Variants in AOAH observed in about 807,000 individuals in gnomAD.
The protein encoded by AOAH is acyloxyacyl hydrolase, also known as acyloxyacyl hydrolase (neutrophil).
In AOAH, 64 loss-of-function variants were observed where a neutral mutation model predicts 92.2. The observed-to-expected ratio is 0.69, with a 90% CI of 0.57 to 0.86. The LOEUF is 0.86. Among genes scored for constraint, AOAH ranks in the 40% least tolerant of loss-of-function variants. AOAH has a pLI of 0.00. For synonymous variants in AOAH, 263 were observed against 254.5 expected, an observed-to-expected ratio of 1.03 and a Z score of -0.32; for missense variants, 656 against 694.6, an observed-to-expected ratio of 0.94 and a Z score of 0.62.
intron 2 of AOAH, among the ~76,000 whole-genome samples, chr7:36,682,102 A>G (rs978897850): frequency 1.3e-5 from 2 of 152,222 alleles, no homozygotes; most frequent in Non-Finnish European, 2.9e-5. Context: ...GTTTTGCCCA[A>G]TCAATAGCTG....
chr7:36,552,410 G>A (rs1339363557), intron 13 of AOAH, among the ~76,000 whole-genome samples: 4 of 152,074 alleles, frequency 2.6e-5, no homozygotes, highest in African/African-American at 9.7e-5. Flanking sequence ...ATCATCAATG[G>A]GTATTTGGGT....
chr7:36,657,233 C>T (rs774582786), intron 4 of AOAH, among the ~76,000 whole-genome samples: 1 of 152,172 alleles, frequency 6.6e-6, no homozygotes, highest in Admixed American at 6.5e-5. Context: ...ATTGACACCA[C>T]GTTAGAGCTC....
chr7:36,545,109 T>C (rs1042795416), intron 15 of AOAH, among the ~76,000 whole-genome samples: 1 of 151,622 alleles, frequency 6.6e-6, no homozygotes, highest in African/African-American at 2.4e-5. Context: ...TGGAGGGCAG[T>C]GGTATGATCA....
chr7:36,531,189 G>T (rs1385038026), intron 18 of AOAH, among the ~76,000 whole-genome samples: 1 of 152,186 alleles, frequency 6.6e-6, no homozygotes, highest in East Asian at 1.9e-4. Context: ...TTGATCTCTA[G>T]AAGTGGTAAT....
At chr7:36,632,348 C>G (rs1354635786) in intron 5 of AOAH, among the ~76,000 whole-genome samples, 1 of 152,198 alleles carries the variant, frequency 6.6e-6, no homozygotes, top group Non-Finnish European at 1.5e-5. Context: ...CCAGCCAGCT[C>G]TTCCCAGCTT....
At chr7:36,692,116 T>C (rs1797437735) in intron 1 of AOAH, among the ~76,000 whole-genome samples, 1 of 152,172 alleles carries the variant, frequency 6.6e-6, no homozygotes, top group Admixed American at 6.5e-5. Context: ...TGTGGGGTGG[T>C]TTGTAATACA....
intron 9 of AOAH, among the ~76,000 whole-genome samples, chr7:36,619,005 T>A (rs72630160): frequency 0.023 from 3,577 of 152,240 alleles, 135 homozygotes; most frequent in East Asian, 0.12. Flanking sequence ...AGCTGGGACA[T>A]CCTAAAACCT....
chr7:36,667,719 C>T (rs1027765776), intron 3 of AOAH, among the ~76,000 whole-genome samples: 4 of 152,162 alleles, frequency 2.6e-5, no homozygotes, highest in African/African-American at 9.7e-5. Context: ...TTTTGCCTCC[C>T]ATATTTTGAT....
chr7:36,613,251 TC>T (rs765006743), intron 11 of AOAH, among the ~76,000 whole-genome samples: 6 of 152,212 alleles, frequency 3.9e-5, no homozygotes, highest in Non-Finnish European at 7.3e-5. Context: ...TTCCGCTTTT[TC>T]CTGAAATTTA....
intron 1 of AOAH, among the ~76,000 whole-genome samples, chr7:36,719,061 T>C (rs1213849643): frequency 4.6e-5 from 7 of 152,222 alleles, no homozygotes; most frequent in African/African-American, 1.7e-4. Flanking sequence ...TTTAACTAAC[T>C]ATGTAACCTT....
At chr7:36,628,763 T>A (rs1792856726) in intron 6 of AOAH, among the ~76,000 whole-genome samples, 1 of 152,170 alleles carries the variant, frequency 6.6e-6, no homozygotes, top group Non-Finnish European at 1.5e-5. Flanking sequence ...AAGGCATTCC[T>A]CCTGGGGGAA....
At chr7:36,671,991 T>G (rs1165496603) in intron 3 of AOAH, among the ~76,000 whole-genome samples, 1 of 152,182 alleles carries the variant, frequency 6.6e-6, no homozygotes, top group East Asian at 1.9e-4. Context: ...TAAAACATAC[T>G]AGTCTAGCTA....
chr7:36,521,970 G>C lies in AOAH; in HGVS notation c.1599+69C>G, dbSNP rs900703806. 9.2e-6 allele frequency: 12 copies of C among 1,302,130 alleles called. No homozygotes were observed. In the Admixed American group the frequency reaches 2.0e-4, roughly 22 times the overall value. The allele number at this position is 1,302,130 out of a possible 1,614,324, so 80.7% of individuals were successfully genotyped here. On this transcript the variant is annotated intron_variant, in intron 20 of 20. Transcript: ENST00000617537. ...ACAGGATAAAAATAAACACATGAAT[G>C]TGTAACCATAATTAAAAACCAACAA...
At chr7:36,673,309 G>A (rs1796038461) in intron 3 of AOAH, among the ~76,000 whole-genome samples, 1 of 152,312 alleles carries the variant, frequency 6.6e-6, no homozygotes, top group South Asian at 2.1e-4. Flanking sequence ...AGAGGCCAAG[G>A]TGGGTGGATC....
intron 3 of AOAH, chr7:36,661,349 G>A (rs1466413569): frequency 6.6e-6 from 1 of 152,234 alleles, no homozygotes; most frequent in Non-Finnish European, 1.5e-5. Flanking sequence ...TTTCCTGCCA[G>A]GTGGACTGAG....
chr7:36,554,400 T>C (rs1273172655), intron 13 of AOAH, among the ~76,000 whole-genome samples: 1 of 152,226 alleles, frequency 6.6e-6, no homozygotes. Flanking sequence ...TGTAGTATAG[T>C]TTGAAGTCAG....
intron 3 of AOAH, among the ~76,000 whole-genome samples, chr7:36,669,412 T>C (rs1006681703): frequency 1.3e-5 from 2 of 150,300 alleles, no homozygotes; most frequent in African/African-American, 4.9e-5. Context: ...AAATGGAGTC[T>C]TTCTCTGTTG....
At chr7:36,721,463 A>G (rs1243185357) in intron 1 of AOAH, among the ~76,000 whole-genome samples, 1 of 152,160 alleles carries the variant, frequency 6.6e-6, no homozygotes, top group African/African-American at 2.4e-5. Flanking sequence ...GCCAACTTCA[A>G]TCAGTGAAGC....
At chr7:36,513,903 T>TCATAAGTGTGAGATCATAAG (rs1790189105) in intron 20 of AOAH, among the ~76,000 whole-genome samples, 2 of 152,180 alleles carry the variant, frequency 1.3e-5, no homozygotes, top group East Asian at 3.9e-4. Flanking sequence ...TAAGTGTGTA[T>TCATAAGTGTGAGATCATAAG]TGTGTTAAGC....
Sources: allele counts gnomAD v4.1 joint callset (sites outside exome capture counted in the v4.1 genomes callset), GRCh38; gene constraint gnomAD v4.1.1; transcripts MANE v1.5; gene names NCBI Gene and HGNC (gene_info 2026-07-23, HGNC 2026-07-21).